The following FSTL4 variants were observed in gnomAD, a reference collection of about 807,000 sequenced individuals.
The protein encoded by FSTL4 is follistatin-related protein 4.
In FSTL4, 28 loss-of-function variants were observed where a neutral mutation model predicts 78.2. The ratio of observed to expected loss-of-function variants is 0.36; its 90% CI spans 0.27 to 0.49. The LOEUF (loss-of-function observed/expected upper bound fraction) is 0.49. Among genes scored for constraint, FSTL4 ranks in the 20% least tolerant of loss-of-function variants. The pLI is 0.98. For synonymous variants in FSTL4, 422 were observed against 440.5 expected, an observed-to-expected ratio of 0.96 and a Z score of 0.53; for missense variants, 922 against 1,084.9, an observed-to-expected ratio of 0.85 and a Z score of 2.11.
At chr5:133,251,143 G>A (rs1438424830) in intron 6 of FSTL4, among the ~76,000 whole-genome samples, 1 of 152,236 alleles carries the variant, frequency 6.6e-6, no homozygotes, top group Non-Finnish European at 1.5e-5. Context: ...ATTGCCCAGG[G>A]CAGGAGAGAG....
intron 4 of FSTL4, among the ~76,000 whole-genome samples, chr5:133,397,446 C>G (rs1029932904): frequency 2.0e-5 from 3 of 152,234 alleles, no homozygotes; most frequent in Non-Finnish European, 1.5e-5. Flanking sequence ...CCTTTTGAGT[C>G]TGGTTGATTT....
the FSTL4 span, among the ~76,000 whole-genome samples, chr5:133,790,060 C>CCTCTGGTCTCCGCCTCTCCCT: frequency 6.6e-6 from 1 of 152,202 alleles, no homozygotes; most frequent in East Asian, 1.9e-4. Context: ...ATGCTCTCCA[C>CCTCTGGTCTCCGCCTCTCCCT]CTCTGGTCTC....
chr5:133,384,569 T>C lies in FSTL4; in HGVS notation c.409+16169A>G, dbSNP rs564090725. Among the ~76,000 whole-genome samples the C allele has an allele frequency of 1.4e-4, 22 of 152,342 alleles. No homozygotes were observed. In the South Asian group the frequency reaches 3.5e-3, roughly 24 times the overall value. ...ACAATCAGTGCCTGGTCCTGCTGAC[T>C]GTATTTTTCCTAAGTGATTCTCCGG... On this transcript the variant is annotated intron_variant, in intron 4 of 15. Transcript: ENST00000265342.
At chr5:133,409,113 C>T (rs1756429028) in intron 3 of FSTL4, among the ~76,000 whole-genome samples, 1 of 152,186 alleles carries the variant, frequency 6.6e-6, no homozygotes, top group Non-Finnish European at 1.5e-5. Context: ...GCCAGGGCTT[C>T]ACTGGACCCT....
chr5:133,276,425 C>G (rs1752886426), intron 6 of FSTL4, among the ~76,000 whole-genome samples: 1 of 152,214 alleles, frequency 6.6e-6, no homozygotes, highest in African/African-American at 2.4e-5. Flanking sequence ...ATTCCTTTGT[C>G]TTGGCCCAGG....
the FSTL4 span, among the ~76,000 whole-genome samples, chr5:133,800,213 G>A: frequency 1.4e-5 from 2 of 138,166 alleles, no homozygotes; most frequent in African/African-American, 5.3e-5. Context: ...AAATATTGGG[G>A]GGCAGTCAAA....
the FSTL4 span, among the ~76,000 whole-genome samples, chr5:133,796,790 C>T: frequency 6.6e-6 from 1 of 152,094 alleles, no homozygotes; most frequent in African/African-American, 2.4e-5. Context: ...GGGATGAAAA[C>T]AGGCATGGCT....
intron 4 of FSTL4, among the ~76,000 whole-genome samples, chr5:133,322,572 G>A (rs1754098141): frequency 6.6e-6 from 1 of 152,232 alleles, no homozygotes; most frequent in African/African-American, 2.4e-5. Flanking sequence ...TGGGCAATGG[G>A]GGTTCAATCC....
At chr5:133,631,083 C>A in the FSTL4 span, among the ~76,000 whole-genome samples, 1 of 152,132 alleles carries the variant, frequency 6.6e-6, no homozygotes, top group Non-Finnish European at 1.5e-5. Context: ...AGGACACAGG[C>A]ATGGGCAAAG....
chr5:133,706,390 A>G, the FSTL4 span, among the ~76,000 whole-genome samples: 1 of 152,216 alleles, frequency 6.6e-6, no homozygotes, highest in East Asian at 1.9e-4. Flanking sequence ...GGTTAGCAAA[A>G]GGATGTTCTG....
intron 3 of FSTL4, among the ~76,000 whole-genome samples, chr5:133,422,964 C>T (rs916680856): frequency 2.0e-5 from 3 of 152,158 alleles, no homozygotes; most frequent in African/African-American, 4.8e-5. Flanking sequence ...AGTGATTGTT[C>T]TGATGAATGA....
At chr5:133,212,920 A>G (rs749066069) in intron 13 of FSTL4, among the ~76,000 whole-genome samples, 1 of 152,250 alleles carries the variant, frequency 6.6e-6, no homozygotes, top group African/African-American at 2.4e-5. Flanking sequence ...ATCAGCAAAA[A>G]TAACTGAAGA....
At chr5:133,271,366 A>C (rs754208932) in intron 6 of FSTL4, among the ~76,000 whole-genome samples, 25 of 152,166 alleles carry the variant, frequency 1.6e-4, no homozygotes, top group Non-Finnish European at 3.4e-4. Flanking sequence ...GGTTTGGGGA[A>C]TATATTTTCA....
rs1475755970 is a variant in FSTL4 at position 133,352,231 on chromosome 5, CACACACATATATATAT to C, written c.410-35595_410-35580del. On this transcript the variant is annotated intron_variant, in intron 4 of 15. Transcript: ENST00000265342. ...CATTAGTCCCCACGTCTTTTGTTCT[CACACACATATATATAT>C]ACACACATATATATATACACACATA... Among the ~76,000 whole-genome samples the C allele has an allele frequency of 5.9e-4, 86 of 145,560 alleles. No individual in the cohort carries two copies. The Middle Eastern group carries it at 0.017, about 30-fold the overall frequency.
chr5:133,552,076 G>A (rs1759700509), intron 3 of FSTL4, among the ~76,000 whole-genome samples: 1 of 152,166 alleles, frequency 6.6e-6, no homozygotes. Flanking sequence ...AGACATTCAA[G>A]GAGGGCTGAG....
chr5:133,816,435 C>T, the FSTL4 span, among the ~76,000 whole-genome samples: 5 of 152,196 alleles, frequency 3.3e-5, no homozygotes, highest in Admixed American at 6.5e-5. Flanking sequence ...TTGCTCAGCA[C>T]GACTCTTCCC....
intron 2 of FSTL4, chr5:133,583,198 A>G (rs1020476256): frequency 2.0e-5 from 9 of 452,924 alleles, no homozygotes; most frequent in Non-Finnish European, 3.5e-5. Flanking sequence ...ACCCTCCAAA[A>G]GCCCTTCACA....
At chr5:133,807,655 G>C in the FSTL4 span, among the ~76,000 whole-genome samples, 79 of 152,192 alleles carry the variant, frequency 5.2e-4, no homozygotes, top group Non-Finnish European at 9.1e-4. Flanking sequence ...TTGAGGCAAC[G>C]CCCTGGAAAC....
At position 133,422,022 on chromosome 5, in the gene FSTL4, A is replaced by G. The variant is rs374578309; in HGVS notation, c.161-21036T>C. Among the ~76,000 whole-genome samples, 37 of 152,298 alleles carry G rather than the reference A, an allele frequency of 2.4e-4. No individual in the cohort carries two copies. The East Asian group carries it at 4.4e-3, about 18-fold the overall frequency. ...GGCTTCTTGGAGGAGGCAGCCTTTC[A>G]GCATGGAGTGAGGGAACAAGCTGAA... On this transcript the variant is annotated intron_variant, in intron 3 of 15. Transcript: ENST00000265342.
Sources: allele counts gnomAD v4.1 joint callset (sites outside exome capture counted in the v4.1 genomes callset), GRCh38; gene constraint gnomAD v4.1.1; transcripts MANE v1.5; gene names NCBI Gene and HGNC (gene_info 2026-07-23, HGNC 2026-07-21).